Variants in GPR157 observed in about 807,000 individuals in gnomAD.
GPR157 encodes G-protein coupled receptor 157.
A neutral mutation model predicts 23.5 loss-of-function variants in GPR157; 16 were observed. The observed-to-expected ratio is 0.68, with a 90% CI of 0.46 to 1.04. The LOEUF (loss-of-function observed/expected upper bound fraction) is 1.04, where lower values mean the gene tolerates loss of function less well. GPR157 is among the 50% of genes least tolerant of loss of function. The probability of loss-of-function intolerance (pLI) is 0.00; values close to 1 mark genes in which losing one functional copy is unlikely to be tolerated. For synonymous variants in GPR157, 200 were observed against 221.5 expected, an observed-to-expected ratio of 0.90 and a Z score of 0.86; for missense variants, 440 against 460.7, an observed-to-expected ratio of 0.96 and a Z score of 0.41.
intron 1 of GPR157, among the ~76,000 whole-genome samples, chr1:9,123,514 T>TCTA (rs1464569117): frequency 1.9e-5 from 2 of 104,102 alleles, no homozygotes; most frequent in Non-Finnish European, 3.4e-5. Context: ...TCAAAATATA[T>TCTA]ATTTAATTTA....
At position 9,105,362 on chromosome 1, in the gene GPR157, C is replaced by T. The variant is rs1638266452; in HGVS notation, c.792+124G>A. 1.2e-6 allele frequency: 1 copy of T among 831,578 alleles called. No homozygotes were observed. The highest frequency in any genetic ancestry group is 1.9e-6 in the Non-Finnish European group (1 of 539,020). The allele number at this position is 831,578 out of a possible 1,614,324, so 51.5% of individuals were successfully genotyped here. The stretch of plus-strand genomic sequence containing the variant: ...GAGAGGAAGGCACAGCACAGTGGGG[C>T]CGAGCTCCTCCCTGCAGCTGTGCCT... On this transcript the variant is annotated intron_variant, in intron 3 of 3. Transcript: ENST00000377411. This position sits in a 1 kb window ranked among gnomAD's most constrained non-coding sequence, Gnocchi z 4.8.
Position 9,118,482 on chromosome 1 carries a change from C to T in GPR157, c.384-6993G>A, listed in dbSNP as rs2124522241. On this transcript the variant is annotated intron_variant, in intron 1 of 3. Transcript: ENST00000377411. The surrounding 1 kb of genome is among the most constrained non-coding windows in gnomAD (Gnocchi z 4.6). ...GTAACTCTGATTGGCAGGGGCACCA[C>T]AAGCTTCTCCCAGAGGTACCTGGGC... is the stretch of plus-strand genomic sequence containing the variant. Among the ~76,000 whole-genome samples the T allele has an allele frequency of 6.6e-6, 1 of 152,284 alleles. No individual in the cohort carries two copies. The highest frequency in any genetic ancestry group is 6.5e-5 in the Admixed American group (1 of 15,284).
intron 1 of GPR157, among the ~76,000 whole-genome samples, chr1:9,117,432 G>A (rs7525644): frequency 3.9e-5 from 6 of 152,194 alleles, no homozygotes; most frequent in African/African-American, 1.4e-4. Context: ...CACATGTGTG[G>A]CATAAATCCT....
chr1:9,107,784 G>A (rs1227805789), intron 2 of GPR157, among the ~76,000 whole-genome samples: 5 of 152,004 alleles, frequency 3.3e-5, no homozygotes, highest in Non-Finnish European at 5.9e-5. Flanking sequence ...AAAAATTATC[G>A]AGGCATGGTG....
At position 9,113,498 on chromosome 1, in the gene GPR157, T is replaced by G. The variant is rs115797753; in HGVS notation, c.384-2009A>C. 6.2e-3 allele frequency among the ~76,000 whole-genome samples: 946 copies of G among 152,192 alleles called. 10 individuals are homozygous for G. The highest frequency in any genetic ancestry group is 0.021 in the African/African-American group (854 of 41,564). The stretch of plus-strand genomic sequence containing the variant: ...GGATGCTTCCAGAACAGAGGGGCCC[T>G]GGCCAACCATCCCCTCTGCAGCATT... On this transcript the variant is annotated intron_variant, in intron 1 of 3. Coordinates refer to ENST00000377411, the MANE Select transcript of GPR157 (RefSeq NM_024980.5).
intron 2 of GPR157, among the ~76,000 whole-genome samples, chr1:9,109,079 ATTT>A (rs35405293): frequency 1.1e-4 from 13 of 121,918 alleles, no homozygotes; most frequent in East Asian, 9.4e-4. Flanking sequence ...CCCGGCCCTA[ATTT>A]TTTTTTTTTT....
chr1:9,123,191 AT>A (rs1638840198), intron 1 of GPR157, among the ~76,000 whole-genome samples: 2 of 133,864 alleles, frequency 1.5e-5, no homozygotes, highest in Admixed American at 8.6e-5. Context: ...ATATATATAT[AT>A]AAATAAAATT....
rs772063190 is a variant in GPR157, at chr1:9,105,688, G to A, written c.598-8C>T. On this transcript the variant is annotated splice_polypyrimidine_tract_variant and splice_region_variant and intron_variant, in intron 2 of 3. Coordinates refer to ENST00000377411, the MANE Select transcript of GPR157 (RefSeq NM_024980.5). The surrounding 1 kb of genome is among the most constrained non-coding windows in gnomAD (Gnocchi z 4.8). ...CTCAGAGAGTGCCGTGTGCTGTGTG[G>A]GGACAGCGAGGGCAGACTTGAGTGG... 8 of 1,593,746 alleles carry A rather than the reference G, an allele frequency of 5.0e-6. No individual in the cohort carries two copies. The South Asian group carries it at 9.1e-5, about 18-fold the overall frequency.
chr1:9,104,106 A>G lies in GPR157; in HGVS notation c.*313T>C. 2.7e-6 allele frequency: 1 copy of G among 369,264 alleles called. No individual in the cohort carries two copies. The highest frequency in any genetic ancestry group is 5.1e-6 in the Non-Finnish European group (1 of 195,378). The allele number at this position is 369,264 out of a possible 1,614,324, so 22.9% of individuals were successfully genotyped here. A position where few individuals can be genotyped will look rare whatever the true frequency, so the allele number is the denominator to read the frequency against. On this transcript the variant is annotated 3_prime_UTR_variant, in exon 4 of 4. Transcript: ENST00000377411. ...AACAGTGCTGTGTGGTCCTCAGGACATCAAGGTCCACTGGGTGGGGGCACT... is the reference window on the plus strand; with the variant it reads ...AACAGTGCTGTGTGGTCCTCAGGACGTCAAGGTCCACTGGGTGGGGGCACT...
chr1:9,123,174 A>AAAAAAAATATATAT, intron 1 of GPR157, among the ~76,000 whole-genome samples: 1 of 117,088 alleles, frequency 8.5e-6, no homozygotes, highest in African/African-American at 3.4e-5. Context: ...AAAAAAAAAA[A>AAAAAAAATATATAT]ATATATATAT....
At chr1:9,113,664 C>A (rs1371054479) in intron 1 of GPR157, among the ~76,000 whole-genome samples, 2 of 152,184 alleles carry the variant, frequency 1.3e-5, no homozygotes, top group Non-Finnish European at 2.9e-5. Context: ...CCACAAAAGG[C>A]CAGGCGCGGT....
At position 9,120,609 on chromosome 1, in the gene GPR157, TCAGCCCC is replaced by T. The variant is rs1638779116; in HGVS notation, c.383+8029_383+8035del. ...CAGGACTTGGGAGAAGTTCAGGGAG[TCAGCCCC>T]TAGGCCAGGCTACCACGAGGTCACT... On this transcript the variant is annotated intron_variant, in intron 1 of 3. Coordinates refer to ENST00000377411, the MANE Select transcript of GPR157 (RefSeq NM_024980.5). The surrounding 1 kb of genome is among the most constrained non-coding windows in gnomAD (Gnocchi z 4.1). 6.6e-6 allele frequency among the ~76,000 whole-genome samples: 1 copy of T among 152,090 alleles called. No homozygotes were observed. Among genetic ancestry groups the T allele is most frequent in the Admixed American group, 6.6e-5 (1 of 15,260 alleles).
chr1:9,121,577 C>G (rs890844328), intron 1 of GPR157, among the ~76,000 whole-genome samples: 1 of 152,024 alleles, frequency 6.6e-6, no homozygotes, highest in African/African-American at 2.4e-5. Flanking sequence ...GAAGTGGAAG[C>G]TGCAGTGAGC....
At chr1:9,114,675 A>G (rs1638597292) in intron 1 of GPR157, among the ~76,000 whole-genome samples, 1 of 152,206 alleles carries the variant, frequency 6.6e-6, no homozygotes, top group African/African-American at 2.4e-5. Context: ...ACAAGGCGGT[A>G]GATTTCTTCT....
intron 2 of GPR157, among the ~76,000 whole-genome samples, chr1:9,109,538 G>A (rs1638429031): frequency 6.6e-6 from 1 of 152,050 alleles, no homozygotes; most frequent in Non-Finnish European, 1.5e-5. Flanking sequence ...GACTACAGGT[G>A]TGTGCCACCA....
chr1:9,126,131 T>C (rs1638958667), intron 1 of GPR157, among the ~76,000 whole-genome samples: 1 of 152,134 alleles, frequency 6.6e-6, no homozygotes, highest in African/African-American at 2.4e-5. Context: ...CTAATTTTTG[T>C]AATTTTAGTA....
intron 1 of GPR157, among the ~76,000 whole-genome samples, chr1:9,114,920 C>CAA (rs70985588): frequency 8.8e-4 from 75 of 85,358 alleles, no homozygotes; most frequent in African/African-American, 1.8e-3. Flanking sequence ...GACTCCGTCT[C>CAA]AAAAAAAAAA....
chr1:9,106,013 C>A (rs77403512), intron 2 of GPR157, among the ~76,000 whole-genome samples: 4,615 of 152,208 alleles, frequency 0.03, 235 homozygotes, highest in African/African-American at 0.11. Context: ...TCTGTTTTGA[C>A]CCCTTTCTTT....
intron 1 of GPR157, among the ~76,000 whole-genome samples, chr1:9,116,890 T>C (rs1280558496): frequency 3.3e-5 from 5 of 151,980 alleles, no homozygotes; most frequent in Admixed American, 6.6e-5. Flanking sequence ...TACAGACACA[T>C]GCTACCATGC....
Sources: gnomAD v4.1 joint callset for allele counts (sites outside exome capture counted in the v4.1 genomes callset) on GRCh38, gnomAD v4.1.1 for gene constraint, Gnocchi (gnomAD v3.1) non-coding constraint, MANE v1.5 for transcripts, NCBI Gene and HGNC (gene_info 2026-07-23, HGNC 2026-07-21) for gene names.